The following APOBEC3F variants were observed in gnomAD, a reference collection of about 807,000 sequenced individuals.
The protein encoded by APOBEC3F is apolipoprotein B mRNA editing enzyme catalytic subunit 3F.
A neutral mutation model predicts 45.8 loss-of-function variants in APOBEC3F; 34 were observed. The observed-to-expected ratio is 0.74, with a 90% CI of 0.57 to 0.99. The LOEUF (loss-of-function observed/expected upper bound fraction) is 0.99, where lower values mean the gene tolerates loss of function less well. Ranked by LOEUF, APOBEC3F falls within the 50% of genes least tolerant of loss-of-function variation. The probability of loss-of-function intolerance (pLI) is 0.00; values close to 1 mark genes in which losing one functional copy is unlikely to be tolerated. For synonymous variants in APOBEC3F, 192 were observed against 174.4 expected (o/e 1.10, Z -0.80); for missense variants, 459 against 474.1 (o/e 0.97, Z 0.30).
At chr22:39,049,381 TCCAGGGGGGTCTCTG>T (rs1420107721) in intron 4 of APOBEC3F, 29 bp from the exon 5 acceptor site, 1 of 1,604,836 alleles carries the variant, frequency 6.2e-7, no homozygotes, top group Non-Finnish European at 8.5e-7. Flanking sequence ...CTCCGAGGAA[TCCAGGGGGGTCTCTG>T]CATTGGGGTT....
At chr22:39,042,019 G>A (rs1262870401) in intron 1 of APOBEC3F, among the ~76,000 whole-genome samples, 1 of 152,208 alleles carries the variant, frequency 6.6e-6, no homozygotes, top group African/African-American at 2.4e-5. Context: ...GGACAGGGCT[G>A]GTCTGGTAAG....
chr22:39,051,152 G>A (rs537083315), intron 5 of APOBEC3F, among the ~76,000 whole-genome samples: 22 of 151,956 alleles, frequency 1.4e-4, no homozygotes, highest in African/African-American at 1.9e-4. Context: ...CAGGAAAATC[G>A]CCTGAACCCA....
At chr22:39,051,445 G>C (rs892008293) in intron 5 of APOBEC3F, among the ~76,000 whole-genome samples, 1 of 151,730 alleles carries the variant, frequency 6.6e-6, no homozygotes, top group Non-Finnish European at 1.5e-5. Context: ...GCTGAGGCAG[G>C]AGAATGGCGT....
Position 39,045,495 on chromosome 22 carries a change from C to T in APOBEC3F, c.519C>T (p.Phe173=), listed in dbSNP as rs774534059. 13 of 1,614,022 alleles carry T rather than the reference C, an allele frequency of 8.1e-6. No individual in the cohort carries two copies. The highest frequency in any genetic ancestry group is 2.2e-5 in the East Asian group (1 of 44,894). Residue 173 remains phenylalanine, a synonymous_variant, in exon 4 of 7, where the codon TTC becomes TTT. Transcript: ENST00000308521. ...AGCCATTCATGCCTTGGTACAAATT[C>T]GATGACAATTATGCATTCCTGCACC... is the stretch of plus-strand genomic sequence containing the variant. ...EGQPFMPWYK[F]DDNYAFLHRT...
chr22:39,047,044 C>T (rs1035900098), intron 4 of APOBEC3F, among the ~76,000 whole-genome samples: 1 of 152,128 alleles, frequency 6.6e-6, no homozygotes, highest in African/African-American at 2.4e-5. Flanking sequence ...AGCCTCCACC[C>T]TTCTGTGACA....
chr22:39,042,885 G>A, intron 1 of APOBEC3F, 52 bp from the exon 2 acceptor site: 2 of 1,607,336 alleles, frequency 1.2e-6, no homozygotes, highest in Middle Eastern at 1.7e-4. Flanking sequence ...TCAGCCCTGA[G>A]GGCTCCCGGG....
intron 4 of APOBEC3F, 73 bp from the exon 5 acceptor site, chr22:39,049,352 G>T: frequency 6.6e-7 from 1 of 1,523,750 alleles, no homozygotes; most frequent in South Asian, 1.2e-5. Flanking sequence ...TCCAGTGAGT[G>T]GTGTTCAGTG....
Position 39,045,238 on chromosome 22 carries a change from CA to C in APOBEC3F, c.451+19del. The C allele has an allele frequency of 6.2e-7, 1 of 1,612,110 alleles. No individual in the cohort carries two copies. Among genetic ancestry groups the C allele is most frequent in the Non-Finnish European group, 8.5e-7 (1 of 1,178,456 alleles). On this transcript the variant is annotated intron_variant, in intron 3 of 6. Coordinates refer to ENST00000308521, the MANE Select transcript of APOBEC3F (RefSeq NM_145298.6). Reference sequence around the variant, plus strand: ...CGATGAAGGTGAGAGGTGGAGGGGTCAGGGGAGCGTGAGCGGGAGGAACAGC... The same window carrying C: ...CGATGAAGGTGAGAGGTGGAGGGGTCGGGGAGCGTGAGCGGGAGGAACAGC...
At position 39,043,090 on chromosome 22, in the gene APOBEC3F, G is replaced by C. The variant is rs1460710798; in HGVS notation, c.171G>C (p.Gln57His). The C allele has an allele frequency of 3.7e-6, 6 of 1,614,050 alleles. No individual in the cohort carries two copies. The highest frequency in any genetic ancestry group is 5.1e-6 in the Non-Finnish European group (6 of 1,179,970). The stretch of plus-strand genomic sequence containing the variant: ...TGGACGCAAAGATCTTTCGAGGCCA[G>C]GTACCACCCGGACTTCAATCACTTT... The part of the protein sequence containing the change: ...PRLDAKIFRG[Q>H]VYSQPEHHAE... The change falls in exon 2 of 7, where the codon CAG becomes CAC. Residue 57 changes from glutamine (Q) to histidine (H), a missense_variant and splice_region_variant. Transcript: ENST00000308521.
chr22:39,045,605 C>A (rs1268845136), intron 4 of APOBEC3F, 63 bp downstream of exon 4: 23 of 1,608,692 alleles, frequency 1.4e-5, no homozygotes, highest in Admixed American at 3.3e-5. Flanking sequence ...CCTCCTGAGG[C>A]CTCCCCTGGC....
intron 1 of APOBEC3F, among the ~76,000 whole-genome samples, chr22:39,042,306 CTCTCTTT>C (rs1926948383): frequency 3.0e-5 from 4 of 132,530 alleles, no homozygotes; most frequent in Admixed American, 7.2e-5. Flanking sequence ...TTTATTCTCT[CTCTCTTT>C]TTTTTTTTTT....
chr22:39,053,707 T>C lies in APOBEC3F; in HGVS notation c.*1012T>C, dbSNP rs1351260579. 6.6e-6 allele frequency: 1 copy of C among 152,206 alleles called. No individual in the cohort carries two copies. Among genetic ancestry groups the C allele is most frequent in the East Asian group, 1.9e-4 (1 of 5,202 alleles). 9.4% of individuals were successfully genotyped at this position (152,206 alleles called of 1,614,324 possible). On this transcript the variant is annotated 3_prime_UTR_variant, in exon 7 of 7. Coordinates refer to ENST00000308521, the MANE Select transcript of APOBEC3F (RefSeq NM_145298.6). ...ACCAGAAGTTTTGAGAAACATCCTT[T>C]GTTAACTTTCATCCTACAAATTGGG...
intron 4 of APOBEC3F, 82 bp downstream of exon 4, chr22:39,045,624 C>G: frequency 1.9e-6 from 3 of 1,600,368 alleles, no homozygotes; most frequent in Non-Finnish European, 2.6e-6. Context: ...GCCAGGCCCT[C>G]CTGCCCTCCG....
intron 2 of APOBEC3F, chr22:39,044,174 G>A: frequency 6.2e-7 from 1 of 1,604,508 alleles, no homozygotes; most frequent in Non-Finnish European, 8.5e-7. Flanking sequence ...CAGGTCCAGT[G>A]GCCTCCCCAG....
rs1424009154 is a variant in APOBEC3F at position 39,042,998 on chromosome 22, C to T, written c.79C>T (p.Leu27Phe). 6.2e-7 allele frequency: 1 copy of T among 1,614,176 alleles called. No homozygotes were observed. Among genetic ancestry groups the T allele is most frequent in the Admixed American group, 1.7e-5 (1 of 60,010 alleles). Residue 27 changes from leucine (L) to phenylalanine (F), a missense_variant, in exon 2 of 7, where the codon CTT (leucine) becomes TTT (phenylalanine). By Grantham distance (22) the Leu-to-Phe change is conservative (BLOSUM62 0). Transcript: ENST00000308521. ...CTACAACTTTTATAATAGACCCATC[C>T]TTTCTCGTCGGAATACCGTCTGGCT... ...FSYNFYNRPI[L>F]SRRNTVWLCY...
At position 39,055,309 on chromosome 22, in the gene APOBEC3F, C is replaced by T. The variant is rs1306847981; in HGVS notation, c.*2614C>T. On this transcript the variant is annotated 3_prime_UTR_variant, in exon 7 of 7. Coordinates refer to ENST00000308521, the MANE Select transcript of APOBEC3F (RefSeq NM_145298.6). ...CTGGTCTTGAACTCATGAGCTCAGG[C>T]GATCCACTCTCCTCAGCCTCCCAAA... is the stretch of plus-strand genomic sequence containing the variant. Among the ~76,000 whole-genome samples, 16 of 151,792 alleles carry T rather than the reference C, an allele frequency of 1.1e-4. No individual in the cohort carries two copies. Among genetic ancestry groups the T allele is most frequent in the Admixed American group, 7.2e-4 (11 of 15,234 alleles).
chr22:39,052,983 CTAA>C lies in APOBEC3F; in HGVS notation c.*291_*293del. 1.6e-5 allele frequency: 6 copies of C among 377,908 alleles called. No individual in the cohort carries two copies. The highest frequency in any genetic ancestry group is 1.7e-5 in the Non-Finnish European group (4 of 240,012). The allele number at this position is 377,908 out of a possible 1,614,324, so 23.4% of individuals were successfully genotyped here. ...CCTTTTCCCATCTCCCCAGCATAAC[CTAA>C]TATTTTTTTTTTTTTTTTGAGACGG... On this transcript the variant is annotated 3_prime_UTR_variant, in exon 7 of 7. Transcript: ENST00000308521.
At chr22:39,048,509 CT>C (rs925282560) in intron 4 of APOBEC3F, among the ~76,000 whole-genome samples, 5 of 152,050 alleles carry the variant, frequency 3.3e-5, no homozygotes, top group Non-Finnish European at 5.9e-5. Context: ...CCAGTCTCTA[CT>C]AAAAATACAA....
intron 4 of APOBEC3F, among the ~76,000 whole-genome samples, chr22:39,048,234 C>A (rs1326157616): frequency 2.6e-5 from 4 of 152,352 alleles, no homozygotes; most frequent in African/African-American, 9.6e-5. Context: ...CGGAAAGGGG[C>A]CCCAGCTCCA....
Sources: gnomAD v4.1 joint callset for allele counts (sites outside exome capture counted in the v4.1 genomes callset) on GRCh38, gnomAD v4.1.1 for gene constraint, MANE v1.5 for transcripts, NCBI Gene and HGNC (gene_info 2026-07-23, HGNC 2026-07-21) for gene names.